The following TXNDC8 variants were observed in gnomAD, a reference collection of about 807,000 sequenced individuals.
TXNDC8 encodes the protein thioredoxin domain-containing protein 8.
In TXNDC8, 15 loss-of-function variants were observed where a neutral mutation model predicts 12.9. That is an observed-to-expected ratio of 1.16 (90% CI 0.78 to 1.79). The LOEUF is 1.79. Ranked by LOEUF, TXNDC8 falls within the 40% of genes most tolerant of loss-of-function variation. TXNDC8 has a pLI of 0.00. For missense variants in TXNDC8, 128 were observed against 113.2 expected (o/e 1.13, Z -0.59); for synonymous variants, 40 against 35.4 (o/e 1.13, Z -0.46).
chr9:110,312,613 A>T (rs57061096), intron 3 of TXNDC8, among the ~76,000 whole-genome samples: 3,850 of 152,302 alleles, frequency 0.025, 147 homozygotes, highest in African/African-American at 0.087. Context: ...AAAAAGTCTT[A>T]TCTGAGATTC....
In TXNDC8 at chr9:110,334,270, A is replaced by T. The variant is rs774852599; in HGVS notation, c.75T>A (p.Val25=). 8.1e-6 allele frequency: 13 copies of T among 1,613,928 alleles called. No homozygotes were observed. The highest frequency in any genetic ancestry group is 1.1e-5 in the Non-Finnish European group (13 of 1,179,904). ...GACCACACCGTTTCGAAGAAAATTG[A>T]ACCACTGCGAGTTTGTGTCCGGCAG... The change falls in exon 2 of 5, where the codon GTT becomes GTA. Residue 25 remains valine, a synonymous_variant. Transcript: ENST00000423740.
chr9:110,322,936 A>C, intron 3 of TXNDC8: 1 of 985,430 alleles, frequency 1.0e-6, no homozygotes, highest in Non-Finnish European at 1.2e-6. Flanking sequence ...TGCTTGGACT[A>C]GTATGAGAAA....
chr9:110,328,120 CTG>C (rs1839404357), intron 2 of TXNDC8, among the ~76,000 whole-genome samples: 1 of 152,132 alleles, frequency 6.6e-6, no homozygotes, highest in African/African-American at 2.4e-5. Context: ...AATGAAGAAA[CTG>C]AAGTTTATGG....
At chr9:110,311,520 GGTATATATATATATATATATATATATAT>G (rs1298401599) in intron 3 of TXNDC8, among the ~76,000 whole-genome samples, 3 of 16,534 alleles carry the variant, frequency 1.8e-4, no homozygotes, top group African/African-American at 5.7e-4. Flanking sequence ...AAAATAAAGA[GGTATATATATATATATATATATATATAT>G]ATATATATAT....
intron 3 of TXNDC8, among the ~76,000 whole-genome samples, chr9:110,314,024 A>G (rs921574513): frequency 6.6e-6 from 1 of 152,228 alleles, no homozygotes; most frequent in African/African-American, 2.4e-5. Flanking sequence ...TGGGACCCCA[A>G]AATCACTAAG....
intron 3 of TXNDC8, chr9:110,322,680 A>G (rs1487132081): frequency 1.0e-6 from 1 of 985,504 alleles, no homozygotes; most frequent in Non-Finnish European, 1.2e-6. Context: ...AAACAATATC[A>G]GCAGCAGCAG....
chr9:110,324,129 T>A (rs1839217761), intron 3 of TXNDC8: 16 of 1,231,304 alleles, frequency 1.3e-5, no homozygotes, highest in Non-Finnish European at 1.7e-5. Flanking sequence ...TTAAAGAGAG[T>A]AACTGATGGA....
At chr9:110,332,080 G>A (rs927777036) in intron 2 of TXNDC8, among the ~76,000 whole-genome samples, 2 of 152,214 alleles carry the variant, frequency 1.3e-5, no homozygotes, top group Non-Finnish European at 2.9e-5. Context: ...CCACAGGTGG[G>A]TCTGTGCTGT....
chr9:110,331,678 C>G (rs1259343370), intron 2 of TXNDC8, among the ~76,000 whole-genome samples: 3 of 152,162 alleles, frequency 2.0e-5, no homozygotes, highest in Non-Finnish European at 2.9e-5. Flanking sequence ...CAGGATGAAA[C>G]TGTTCCACCT....
chr9:110,319,592 T>C (rs1034408358), intron 3 of TXNDC8, among the ~76,000 whole-genome samples: 8 of 152,240 alleles, frequency 5.3e-5, no homozygotes, highest in African/African-American at 1.9e-4. Flanking sequence ...CCTGCAGTTG[T>C]CTGACTCTAT....
At chr9:110,305,570 C>CTTTCT (rs1325825578) in intron 3 of TXNDC8, among the ~76,000 whole-genome samples, 2 of 137,520 alleles carry the variant, frequency 1.5e-5, no homozygotes, top group Non-Finnish European at 3.0e-5. Context: ...TTCTTTCTTT[C>CTTTCT]TTTCTTTCTT....
intron 3 of TXNDC8, chr9:110,323,078 A>T (rs766313157): frequency 2.0e-6 from 2 of 985,388 alleles, no homozygotes; most frequent in Non-Finnish European, 2.4e-6. Flanking sequence ...GAGGGGGAGG[A>T]CATCACATGT....
chr9:110,316,436 A>G (rs1838889339), intron 3 of TXNDC8, among the ~76,000 whole-genome samples: 1 of 152,098 alleles, frequency 6.6e-6, no homozygotes, highest in Non-Finnish European at 1.5e-5. Flanking sequence ...TGTTCCCCAG[A>G]GCCATCTGCA....
intron 2 of TXNDC8, among the ~76,000 whole-genome samples, chr9:110,330,428 A>G (rs1839504017): frequency 6.6e-6 from 1 of 152,236 alleles, no homozygotes; most frequent in South Asian, 2.1e-4. Context: ...TTGTTAAGTT[A>G]TAACACAAGA....
At chr9:110,329,866 C>T (rs1357243559) in intron 2 of TXNDC8, among the ~76,000 whole-genome samples, 1 of 152,160 alleles carries the variant, frequency 6.6e-6, no homozygotes, top group African/African-American at 2.4e-5. Flanking sequence ...TTCCAGGTTC[C>T]ATTGCTGGCT....
At chr9:110,328,306 A>G (rs76814305) in intron 2 of TXNDC8, among the ~76,000 whole-genome samples, 3,856 of 152,312 alleles carry the variant, frequency 0.025, 67 homozygotes, top group Non-Finnish European at 0.04. Flanking sequence ...CATTGTGTGT[A>G]TTAATAAGAC....
chr9:110,336,216 A>G (rs1396200805), intron 1 of TXNDC8, among the ~76,000 whole-genome samples: 1 of 152,216 alleles, frequency 6.6e-6, no homozygotes, highest in Non-Finnish European at 1.5e-5. Context: ...TCTTCATAGC[A>G]GTATGCAAAT....
At chr9:110,333,031 G>A (rs1437569578) in intron 2 of TXNDC8, among the ~76,000 whole-genome samples, 2 of 152,166 alleles carry the variant, frequency 1.3e-5, no homozygotes, top group African/African-American at 4.8e-5. Context: ...GTAAAATATA[G>A]TCAACTTAGA....
At chr9:110,337,339 C>T (rs1839795268) in intron 1 of TXNDC8, among the ~76,000 whole-genome samples, 1 of 152,236 alleles carries the variant, frequency 6.6e-6, no homozygotes, top group South Asian at 2.1e-4. Flanking sequence ...TTTGTTGTGA[C>T]AGCAACATTG....
Sources: allele counts gnomAD v4.1 joint callset (sites outside exome capture counted in the v4.1 genomes callset), GRCh38; gene constraint gnomAD v4.1.1; transcripts MANE v1.5; gene names NCBI Gene and HGNC (gene_info 2026-07-23, HGNC 2026-07-21).